PRDM1: variants seen among roughly 807,000 people sequenced by gnomAD.
PRDM1 encodes PR/SET domain 1.
In PRDM1, 13 loss-of-function variants were observed where a neutral mutation model predicts 62.8. That is an observed-to-expected ratio of 0.21 (90% CI 0.13 to 0.33). The LOEUF is 0.33. Among genes scored for constraint, PRDM1 ranks in the 10% least tolerant of loss-of-function variants. The pLI, the probability that PRDM1 is intolerant of heterozygous loss-of-function variation, is 1.00. For synonymous variants in PRDM1, 396 were observed against 417.6 expected (o/e 0.95, Z 0.63); for missense variants, 895 against 1,058.8 (o/e 0.85, Z 2.15).
chr6:106,045,854 C>A (rs1562151857), upstream of PRDM1: 2 of 152,140 alleles, frequency 1.3e-5, no homozygotes, highest in African/African-American at 4.8e-5. Context: ...CTAAACAAAA[C>A]CAATGCCTAT....
chr6:106,086,607 G>C lies in PRDM1; in HGVS notation c.42+12G>C. 1 of 1,545,690 alleles carries C rather than the reference G, an allele frequency of 6.5e-7. No individual in the cohort carries two copies. The highest frequency in any genetic ancestry group is 8.8e-7 in the Non-Finnish European group (1 of 1,142,672). On this transcript the variant is annotated intron_variant, in intron 1 of 6. Coordinates refer to ENST00000369096, the MANE Select transcript of PRDM1 (RefSeq NM_001198.4). ...TGGGTACGACCTTGGTAAGGAACTT[G>C]AATTTTTTTTTTTTAATTCTGAAAT...
At chr6:106,084,132 G>A (rs909105108), upstream of PRDM1, among the ~76,000 whole-genome samples, 4 of 151,874 alleles carry the variant, frequency 2.6e-5, no homozygotes, top group African/African-American at 9.7e-5. Flanking sequence ...TATAATCATA[G>A]TCAAAAGTTG....
In PRDM1 at chr6:106,106,863, T is replaced by C. The variant is rs1279221278; in HGVS notation, c.1903-48T>C. On this transcript the variant is annotated intron_variant, in intron 6 of 6. Coordinates refer to ENST00000369096, the MANE Select transcript of PRDM1 (RefSeq NM_001198.4). The surrounding 1 kb of genome is among the most constrained non-coding windows in gnomAD (Gnocchi z 4.4). ...CTCCCGTTGGCAACTCTTAATCTTC[T>C]GGCCTTCCTGTCTCCCTTCCCTGCT... 2 of 1,543,440 alleles carry C rather than the reference T, an allele frequency of 1.3e-6. No homozygotes were observed. The highest frequency in any genetic ancestry group is 2.3e-5 in the East Asian group (1 of 44,236).
chr6:106,063,417 A>C (rs1393321228), intron 1 of PRDM1, among the ~76,000 whole-genome samples: 1 of 152,148 alleles, frequency 6.6e-6, no homozygotes, highest in Non-Finnish European at 1.5e-5. Context: ...AAAAACGTGA[A>C]TTGCTGACAT....
chr6:106,099,159 G>T, intron 3 of PRDM1, 141 bp from the exon 4 acceptor site: 1 of 1,605,306 alleles, frequency 6.2e-7, no homozygotes, highest in Non-Finnish European at 8.5e-7. Context: ...GACTATTCTG[G>T]CTAAACTGAT....
Position 106,107,595 on chromosome 6 carries a change from G to C in PRDM1, c.*109G>C, listed in dbSNP as rs1774535105. ...CCAGCTCTGCAAAGCTCTCTCGACAGCAAATGGTTTCCCCTCACCTCTGGA... is the reference window on the plus strand; with the variant it reads ...CCAGCTCTGCAAAGCTCTCTCGACACCAAATGGTTTCCCCTCACCTCTGGA... On this transcript the variant is annotated 3_prime_UTR_variant, in exon 7 of 7. Coordinates refer to ENST00000369096, the MANE Select transcript of PRDM1 (RefSeq NM_001198.4). 3.0e-6 allele frequency: 3 copies of C among 994,822 alleles called. No individual in the cohort carries two copies. In the East Asian group the frequency reaches 7.9e-5, roughly 26 times the overall value. 61.6% of individuals were successfully genotyped at this position (994,822 alleles called of 1,614,324 possible).
chr6:106,104,205 G>GTTTT (rs11317538), intron 4 of PRDM1, among the ~76,000 whole-genome samples: 1 of 141,846 alleles, frequency 7.0e-6, no homozygotes, highest in Non-Finnish European at 1.5e-5. Flanking sequence ...TAAAATGGAA[G>GTTTT]TTTTTTTTTT....
chr6:106,096,813 A>G (rs891934941), intron 3 of PRDM1, among the ~76,000 whole-genome samples: 2 of 152,210 alleles, frequency 1.3e-5, no homozygotes, highest in East Asian at 3.8e-4. Context: ...TAGATGTCTC[A>G]GGGATATTTA....
At chr6:106,013,419 C>T (rs1490449143) in intron 1 of PRDM1, among the ~76,000 whole-genome samples, 3 of 151,826 alleles carry the variant, frequency 2.0e-5, no homozygotes, top group Non-Finnish European at 4.4e-5. Context: ...CCTCCACCTC[C>T]CGGGTTCAAG....
chr6:106,080,324 T>G (rs1260784149), intron 1 of PRDM1, among the ~76,000 whole-genome samples: 1 of 152,178 alleles, frequency 6.6e-6, no homozygotes, highest in East Asian at 1.9e-4. Flanking sequence ...GATGTGCCCG[T>G]GAGCATGATT....
chr6:106,008,327 C>T (rs1401528616), intron 1 of PRDM1, among the ~76,000 whole-genome samples: 4 of 152,090 alleles, frequency 2.6e-5, no homozygotes, highest in Admixed American at 2.6e-4. Flanking sequence ...GAGCCAAGAT[C>T]GTGCCACTGT....
At chr6:106,086,685 T>G in intron 1 of PRDM1, 90 bp downstream of exon 1, 6 of 1,261,386 alleles carry the variant, frequency 4.8e-6, no homozygotes, top group Non-Finnish European at 6.6e-6. Flanking sequence ...ATTAATTTTT[T>G]TTGGCTAATG....
upstream of PRDM1, among the ~76,000 whole-genome samples, chr6:106,048,185 C>G (rs1055030020): frequency 5.4e-5 from 8 of 149,328 alleles, no homozygotes; most frequent in Non-Finnish European, 1.2e-4. Flanking sequence ...TCAAGACTAG[C>G]CCGGACAACG....
intron 1 of PRDM1, among the ~76,000 whole-genome samples, chr6:106,007,438 A>G (rs956777193): frequency 9.9e-5 from 15 of 152,038 alleles, no homozygotes; most frequent in African/African-American, 3.4e-4. Flanking sequence ...CAAAAAGAAA[A>G]AAAACATTAT....
At chr6:106,095,921 A>G in intron 3 of PRDM1, 187 bp downstream of exon 3, 1 of 630,772 alleles carries the variant, frequency 1.6e-6, no homozygotes. Context: ...TCTGGCCTGT[A>G]GGTGGTTAGT....
intron 1 of PRDM1, among the ~76,000 whole-genome samples, chr6:106,051,330 G>A (rs1773170897): frequency 1.3e-5 from 2 of 152,132 alleles, no homozygotes; most frequent in Non-Finnish European, 2.9e-5. Context: ...TTCTGCCCCC[G>A]CAGACCCAGT....
At position 106,107,499 on chromosome 6, in the gene PRDM1, A is replaced by G. The variant is rs769007521; in HGVS notation, c.*13A>G. ...AATGGATCCTTAAGATTTTCAGAAA[A>G]CACTTATTTTGTTTCTTAAGTTATG... On this transcript the variant is annotated 3_prime_UTR_variant, in exon 7 of 7. Coordinates refer to ENST00000369096, the MANE Select transcript of PRDM1 (RefSeq NM_001198.4). The G allele has an allele frequency of 6.3e-7, 1 of 1,577,562 alleles. No individual in the cohort carries two copies. Among genetic ancestry groups the G allele is most frequent in the Non-Finnish European group, 8.6e-7 (1 of 1,161,080 alleles).
At chr6:106,010,510 T>C (rs562762799) in intron 1 of PRDM1, among the ~76,000 whole-genome samples, 1 of 152,212 alleles carries the variant, frequency 6.6e-6, no homozygotes, top group Admixed American at 6.5e-5. Flanking sequence ...CTTTAGAATT[T>C]AATTAAGCAT....
intron 1 of PRDM1, among the ~76,000 whole-genome samples, chr6:106,020,367 A>T (rs1480454150): frequency 6.6e-6 from 1 of 151,848 alleles, no homozygotes; most frequent in East Asian, 1.9e-4. Flanking sequence ...TGGCACAGTG[A>T]CAGCTCACTG....
Sources: gnomAD v4.1 joint callset for allele counts (sites outside exome capture counted in the v4.1 genomes callset) on GRCh38, gnomAD v4.1.1 for gene constraint, Gnocchi (gnomAD v3.1) non-coding constraint, MANE v1.5 for transcripts, NCBI Gene and HGNC (gene_info 2026-07-23, HGNC 2026-07-21) for gene names.